PCDH15: variants seen among roughly 807,000 people sequenced by gnomAD.
PCDH15 encodes the protein protocadherin-15.
A neutral mutation model predicts 178.5 loss-of-function variants in PCDH15; 129 were observed. The observed-to-expected ratio is 0.72, with a 90% confidence interval of 0.63 to 0.84. The LOEUF (loss-of-function observed/expected upper bound fraction) is 0.84. PCDH15 is among the 40% of genes least tolerant of loss of function. The pLI is 0.00. For missense variants in PCDH15, 2,230 were observed against 2,099.9 expected (o/e 1.06, Z -1.21); for synonymous variants, 800 against 732.0 (o/e 1.09, Z -1.50).
chr10:54,181,933 T>C (rs927091154), intron 13 of PCDH15, among the ~76,000 whole-genome samples: 7 of 152,090 alleles, frequency 4.6e-5, no homozygotes, highest in African/African-American at 1.7e-4. Context: ...TTCTTTTTTC[T>C]TTCACATTTT....
At chr10:54,428,190 A>G (rs1956526629) in intron 3 of PCDH15, among the ~76,000 whole-genome samples, 1 of 152,196 alleles carries the variant, frequency 6.6e-6, no homozygotes, top group African/African-American at 2.4e-5. Context: ...AAGACAAACT[A>G]AAATGAACTA....
At chr10:54,937,034 A>G (rs757330859) in intron 2 of PCDH15, among the ~76,000 whole-genome samples, 4 of 151,958 alleles carry the variant, frequency 2.6e-5, no homozygotes, top group Non-Finnish European at 4.4e-5. Context: ...CGCGTAAGGA[A>G]CAGTTCCAAC....
chr10:54,635,615 ATTAG>A (rs1303805148), intron 2 of PCDH15, among the ~76,000 whole-genome samples: 1 of 151,870 alleles, frequency 6.6e-6, no homozygotes, highest in Non-Finnish European at 1.5e-5. Flanking sequence ...TGAAAATTGT[ATTAG>A]TTAGGATAGG....
rs74136657 is a variant in PCDH15 at position 55,598,096 on chromosome 10, A to C, written c.-156+29529T>G. Among the ~76,000 whole-genome samples the C allele has an allele frequency of 3.8e-3, 571 of 152,184 alleles. 5 individuals carry two copies. The highest frequency in any genetic ancestry group is 0.013 in the African/African-American group (537 of 41,560). ...TTAATTCATAAGTGAAAGTATGACTAACCTATACAATATTTAGGGTTGGTA... is the reference window on the plus strand; with the variant it reads ...TTAATTCATAAGTGAAAGTATGACTCACCTATACAATATTTAGGGTTGGTA... On this transcript the variant is annotated intron_variant, in intron 2 of 5. Coordinates refer to the PCDH15 transcript ENST00000613346.
At chr10:54,973,848 T>C (rs1278209365) in intron 2 of PCDH15, among the ~76,000 whole-genome samples, 2 of 151,700 alleles carry the variant, frequency 1.3e-5, no homozygotes, top group Non-Finnish European at 2.9e-5. Context: ...ACACTATGTA[T>C]TTGTAAGAGC....
intron 21 of PCDH15, among the ~76,000 whole-genome samples, chr10:53,970,894 A>G (rs1368524476): frequency 6.6e-6 from 1 of 152,232 alleles, no homozygotes; most frequent in South Asian, 2.1e-4. Context: ...TTCTGAAGCT[A>G]TTCCAGTCAA....
intron 2 of PCDH15, among the ~76,000 whole-genome samples, chr10:55,345,864 AG>A (rs1844741005): frequency 6.6e-6 from 1 of 152,112 alleles, no homozygotes; most frequent in Admixed American, 6.6e-5. Flanking sequence ...TTTTGTTATT[AG>A]TAACAGTAAT....
At position 54,362,402 on chromosome 10, in the gene PCDH15, C is replaced by A. The variant is rs992497450; in HGVS notation, c.474+6718G>T. Among the ~76,000 whole-genome samples, 6 of 152,048 alleles carry A rather than the reference C, an allele frequency of 3.9e-5. No homozygotes were observed. In the South Asian group the frequency reaches 1.0e-3, roughly 26 times the overall value. On this transcript the variant is annotated intron_variant, in intron 5 of 37. Transcript: ENST00000644397. ...AAGACATTTAACCTGGTAAGCAGGA[C>A]ATAATTTTCTATATACTTGTTATGT...
At chr10:53,854,376 A>T (rs2078587711) in intron 28 of PCDH15, among the ~76,000 whole-genome samples, 1 of 152,026 alleles carries the variant, frequency 6.6e-6, no homozygotes, top group Non-Finnish European at 1.5e-5. Flanking sequence ...CAAACTGTAC[A>T]CTTAAAAATG....
rs144428162 is a variant in PCDH15 at position 55,089,876 on chromosome 10, C to T, written c.-80+76700G>A. ...GGGAAGTTAATGTTCCTCTTACTTC[C>T]GGTTTTCTAAAAGTAATAAGCATTT... On this transcript the variant is annotated intron_variant, in intron 2 of 5. Transcript: ENST00000458638. Among the ~76,000 whole-genome samples the T allele has an allele frequency of 4.2e-3, 632 of 152,070 alleles. 3 individuals carry two copies. The highest frequency in any genetic ancestry group is 0.015 in the African/African-American group (607 of 41,516).
At chr10:54,913,399 G>C (rs529206539) in intron 2 of PCDH15, among the ~76,000 whole-genome samples, 1 of 152,308 alleles carries the variant, frequency 6.6e-6, no homozygotes, top group South Asian at 2.1e-4. Flanking sequence ...TGTGCAGAGG[G>C]CAAGACTTGA....
rs1237395962 is a variant in PCDH15, at chr10:54,715,552, CCT to C, written c.-28-51264_-28-51263del. ...GGAGAAGATAGTGGGCAAGCCACCC[CCT>C]GATGGCGTTTGGCTGGTAAAACGAT... On this transcript the variant is annotated intron_variant, in intron 1 of 37. Coordinates refer to ENST00000644397, the MANE Select transcript of PCDH15 (RefSeq NM_001384140.1). 7.2e-5 allele frequency among the ~76,000 whole-genome samples: 11 copies of C among 152,222 alleles called. No homozygotes were observed. The South Asian group carries it at 1.2e-3, about 17-fold the overall frequency.
chr10:55,013,190 A>G (rs956103612), intron 2 of PCDH15, among the ~76,000 whole-genome samples: 1 of 152,090 alleles, frequency 6.6e-6, no homozygotes, highest in African/African-American at 2.4e-5. Context: ...CTCTGTCTAC[A>G]TTTCCCATCT....
intron 2 of PCDH15, among the ~76,000 whole-genome samples, chr10:55,057,348 CCCT>C (rs1841330988): frequency 6.6e-6 from 1 of 152,038 alleles, no homozygotes; most frequent in African/African-American, 2.4e-5. Context: ...AACAAAAACA[CCCT>C]GATGCTTTTC....
At chr10:55,094,696 C>T (rs1001581070) in intron 2 of PCDH15, among the ~76,000 whole-genome samples, 2 of 151,964 alleles carry the variant, frequency 1.3e-5, no homozygotes, top group Non-Finnish European at 2.9e-5. Flanking sequence ...AGTTTTATTT[C>T]ATATTTCAAA....
intron 2 of PCDH15, among the ~76,000 whole-genome samples, chr10:55,073,506 T>C (rs1461301095): frequency 2.0e-5 from 3 of 152,076 alleles, no homozygotes; most frequent in African/African-American, 7.2e-5. Context: ...CACAATTGCT[T>C]CAAAGAGAAT....
intron 1 of PCDH15, among the ~76,000 whole-genome samples, chr10:55,167,652 C>A (rs1839231140): frequency 6.6e-6 from 1 of 152,094 alleles, no homozygotes; most frequent in Non-Finnish European, 1.5e-5. Context: ...TTATTCACAT[C>A]TCTCATGCAC....
rs751343828 is a variant in PCDH15 at position 54,121,158 on chromosome 10, T to C, written c.1917+11717A>G. 6.7e-4 allele frequency among the ~76,000 whole-genome samples: 92 copies of C among 136,610 alleles called. 1 individual carries two copies. Among genetic ancestry groups the C allele is most frequent in the Non-Finnish European group, 1.2e-3 (74 of 64,082 alleles). 89.6% of individuals were successfully genotyped at this position (136,610 alleles called of 152,430 possible). A position where few individuals can be genotyped will look rare whatever the true frequency, so the allele number is the denominator to read the frequency against. On this transcript the variant is annotated intron_variant, in intron 15 of 37. Transcript: ENST00000644397. Reference sequence around the variant, plus strand: ...ATAATATTTCTCAAAACCCCATGATTACATGGAAATTAAACAGCTTGCTCC... The same window carrying C: ...ATAATATTTCTCAAAACCCCATGATCACATGGAAATTAAACAGCTTGCTCC...
intron 2 of PCDH15, among the ~76,000 whole-genome samples, chr10:55,572,965 T>G (rs16907521): frequency 0.31 from 47,276 of 151,872 alleles, 7,510 homozygotes; most frequent in African/African-American, 0.39. Context: ...CTGATCTGTT[T>G]GCAGTGAATT....
Sources: allele counts gnomAD v4.1 joint callset (sites outside exome capture counted in the v4.1 genomes callset), GRCh38; gene constraint gnomAD v4.1.1; transcripts MANE v1.5; gene names NCBI Gene and HGNC (gene_info 2026-07-23, HGNC 2026-07-21).